RIMBP2: variants seen among roughly 807,000 people sequenced by gnomAD.
The protein encoded by RIMBP2 is RIMS-binding protein 2.
Under a neutral mutation model 118.6 loss-of-function variants are expected in RIMBP2, and 48 were observed. That is an observed-to-expected ratio of 0.40 (90% confidence interval 0.32 to 0.51). The LOEUF (loss-of-function observed/expected upper bound fraction) is 0.51, where lower values mean the gene tolerates loss of function less well. RIMBP2 is among the 20% of genes least tolerant of loss of function. RIMBP2 has a pLI of 0.41. For missense variants in RIMBP2, 1,551 were observed against 1,768.3 expected, an observed-to-expected ratio of 0.88 and a Z score of 2.20; for synonymous variants, 762 against 742.9, an observed-to-expected ratio of 1.03 and a Z score of -0.42.
At position 130,475,109 on chromosome 12, in the gene RIMBP2, G is replaced by A. The variant is rs1449746652; in HGVS notation, c.102+3803C>T. Among the ~76,000 whole-genome samples the A allele has an allele frequency of 6.6e-6, 1 of 152,172 alleles. No individual in the cohort carries two copies. The highest frequency in any genetic ancestry group is 2.4e-5 in the African/African-American group (1 of 41,428). ...TCTCTGCTCAGGTCCCAGAGACGAG[G>A]GCTGCAGCATGAGCTCATTGTCCCT... On this transcript the variant is annotated intron_variant, in intron 5 of 22. Coordinates refer to ENST00000690449, the MANE Select transcript of RIMBP2 (RefSeq NM_001393629.1). This position sits in a 1 kb window ranked among gnomAD's most constrained non-coding sequence, Gnocchi z 4.1.
chr12:130,626,509 C>T lies in RIMBP2; in HGVS notation c.-217+1813G>A, dbSNP rs368069601. 1.7e-4 allele frequency among the ~76,000 whole-genome samples: 25 copies of T among 151,150 alleles called. No individual in the cohort carries two copies. In the East Asian group the frequency reaches 4.7e-3, roughly 29 times the overall value. ...ACCATCAGCTCCTCCATCACCATGACTACCACTGGCATCACCACCATCTTC... is the reference window on the plus strand; with the variant it reads ...ACCATCAGCTCCTCCATCACCATGATTACCACTGGCATCACCACCATCTTC... On this transcript the variant is annotated intron_variant, in intron 2 of 22. Coordinates refer to ENST00000690449, the MANE Select transcript of RIMBP2 (RefSeq NM_001393629.1).
intron 2 of RIMBP2, among the ~76,000 whole-genome samples, chr12:130,577,769 C>A (rs192911270): frequency 9.9e-5 from 15 of 152,206 alleles, no homozygotes; most frequent in Admixed American, 8.5e-4. Context: ...GTGCAATAAA[C>A]GGGAAGCTGA....
At chr12:130,532,546 G>A in intron 2 of RIMBP2, among the ~76,000 whole-genome samples, 1 of 148,796 alleles carries the variant, frequency 6.7e-6, no homozygotes, top group African/African-American at 2.5e-5. Flanking sequence ...CGTGTGTGTA[G>A]CCTCTAGGAG....
intron 2 of RIMBP2, among the ~76,000 whole-genome samples, chr12:130,585,050 A>T (rs1449678949): frequency 6.6e-6 from 1 of 151,678 alleles, no homozygotes; most frequent in Non-Finnish European, 1.5e-5. Context: ...ATGCCCAGAA[A>T]TTTTTTTTTA....
At chr12:130,437,412 G>T in intron 12 of RIMBP2, 121 bp from the exon 13 acceptor site, 1 of 790,244 alleles carries the variant, frequency 1.3e-6, no homozygotes, top group South Asian at 1.7e-5. Context: ...AGCGACCTCC[G>T]ACTCCAACCA....
intron 4 of RIMBP2, among the ~76,000 whole-genome samples, chr12:130,479,933 G>C (rs974532218): frequency 3.3e-5 from 5 of 151,646 alleles, no homozygotes; most frequent in African/African-American, 9.7e-5. Context: ...CGGGTCTCAC[G>C]AGCCCAGAGT....
chr12:130,514,272 T>C (rs569306831), intron 3 of RIMBP2, among the ~76,000 whole-genome samples: 1 of 152,388 alleles, frequency 6.6e-6, no homozygotes, highest in East Asian at 1.9e-4. Context: ...GCTCATTTCC[T>C]GTGCCTTGCA....
Position 130,688,829 on chromosome 12 carries a change from G to A in RIMBP2, c.-352+27393C>T, listed in dbSNP as rs114464875. Reference sequence around the variant, plus strand: ...TCCAACTGCTCAGCTGAAACGTTTCGAACCAAGTCTAAACTCTGCAAAACG... The same window carrying A: ...TCCAACTGCTCAGCTGAAACGTTTCAAACCAAGTCTAAACTCTGCAAAACG... On this transcript the variant is annotated intron_variant, in intron 1 of 22. Coordinates refer to ENST00000690449, the MANE Select transcript of RIMBP2 (RefSeq NM_001393629.1). This position sits in a 1 kb window ranked among gnomAD's most constrained non-coding sequence, Gnocchi z 4.7. Among the ~76,000 whole-genome samples the A allele has an allele frequency of 0.011, 1,733 of 152,276 alleles. 31 individuals are homozygous for A. The highest frequency in any genetic ancestry group is 0.039 in the African/African-American group (1,630 of 41,548).
At chr12:130,551,307 C>A (rs1404759052) in intron 2 of RIMBP2, among the ~76,000 whole-genome samples, 8 of 152,154 alleles carry the variant, frequency 5.3e-5, no homozygotes, top group Admixed American at 5.2e-4. Context: ...GCTTAAATGG[C>A]AGGAAAACAA....
intron 1 of RIMBP2, among the ~76,000 whole-genome samples, chr12:130,681,938 C>A (rs1165519245): frequency 6.6e-6 from 1 of 152,146 alleles, no homozygotes; most frequent in African/African-American, 2.4e-5. Context: ...CTCAAGTGAT[C>A]CACCCGCCTC....
At position 130,475,558 on chromosome 12, in the gene RIMBP2, G is replaced by A. The variant is rs1056232116; in HGVS notation, c.102+3354C>T. Reference sequence around the variant, plus strand: ...AGAGGCAGGGAGGAGACCCGCAGACGGTGGGGAGGGGCATTTCCAGGACCT... The same window carrying A: ...AGAGGCAGGGAGGAGACCCGCAGACAGTGGGGAGGGGCATTTCCAGGACCT... On this transcript the variant is annotated intron_variant, in intron 5 of 22. Transcript: ENST00000690449. The surrounding 1 kb of genome is among the most constrained non-coding windows in gnomAD (Gnocchi z 4.1). 6.6e-6 allele frequency among the ~76,000 whole-genome samples: 1 copy of A among 152,258 alleles called. No individual in the cohort carries two copies. Among genetic ancestry groups the A allele is most frequent in the East Asian group, 1.9e-4 (1 of 5,156 alleles).
chr12:130,494,308 C>T (rs905408463), intron 4 of RIMBP2, among the ~76,000 whole-genome samples: 1 of 152,126 alleles, frequency 6.6e-6, no homozygotes. Context: ...TCTGCCCCCG[C>T]CTCCACAGTC....
rs77835256 is a variant in RIMBP2 at position 130,523,215 on chromosome 12, C to T, written c.-216-5298G>A. ...TATTTCTCTGTGTTGGGGGGGGTTT[C>T]TCTGCCTCCATCTCTCTCTGTCCCC... On this transcript the variant is annotated intron_variant, in intron 2 of 22. Coordinates refer to ENST00000690449, the MANE Select transcript of RIMBP2 (RefSeq NM_001393629.1). This position sits in a 1 kb window ranked among gnomAD's most constrained non-coding sequence, Gnocchi z 4.4. Among the ~76,000 whole-genome samples the T allele has an allele frequency of 0.012, 1,844 of 152,228 alleles. 16 individuals carry two copies. The highest frequency in any genetic ancestry group is 0.034 in the Middle Eastern group (10 of 294).
At chr12:130,550,056 G>A (rs911868591) in intron 2 of RIMBP2, among the ~76,000 whole-genome samples, 32 of 152,118 alleles carry the variant, frequency 2.1e-4, no homozygotes, top group African/African-American at 7.0e-4. Context: ...ATTCTGACAG[G>A]TGCGAGATTG....
chr12:130,529,593 C>T (rs2053165425), intron 2 of RIMBP2, among the ~76,000 whole-genome samples: 1 of 152,184 alleles, frequency 6.6e-6, no homozygotes, highest in African/African-American at 2.4e-5. Context: ...GAATTGTTCA[C>T]TATAAATGGT....
chr12:130,400,760 A>C (rs2074459648), intron 21 of RIMBP2, among the ~76,000 whole-genome samples: 1 of 152,212 alleles, frequency 6.6e-6, no homozygotes, highest in African/African-American at 2.4e-5. Context: ...AGAACATATA[A>C]AGAACATCAA....
Position 130,475,688 on chromosome 12 carries a change from C to T in RIMBP2, c.102+3224G>A, listed in dbSNP as rs1211784541. 6.6e-6 allele frequency among the ~76,000 whole-genome samples: 1 copy of T among 151,962 alleles called. No individual in the cohort carries two copies. Among genetic ancestry groups the T allele is most frequent in the Non-Finnish European group, 1.5e-5 (1 of 68,030 alleles). ...GACTCTCTTGAGAGGAATTTTACAG[C>T]TTCAGCAGGGTATTGGGGAACAAAG... On this transcript the variant is annotated intron_variant, in intron 5 of 22. Transcript: ENST00000690449. The surrounding 1 kb of genome is among the most constrained non-coding windows in gnomAD (Gnocchi z 4.1).
chr12:130,424,355 C>G lies in RIMBP2; in HGVS notation c.2916G>C (p.Glu972Asp). 2 of 1,232,448 alleles carry G rather than the reference C, an allele frequency of 1.6e-6. No individual in the cohort carries two copies. The highest frequency in any genetic ancestry group is 4.1e-5 in the South Asian group (1 of 24,316). 76.3% of individuals were successfully genotyped at this position (1,232,448 alleles called of 1,614,324 possible). The change falls in exon 16 of 23, where the codon GAG becomes GAC. Residue 972 changes from glutamate (E) to aspartate (D), a missense_variant. Glu to Asp is a conservative substitution (Grantham distance 45). Coordinates refer to ENST00000690449, the MANE Select transcript of RIMBP2 (RefSeq NM_001393629.1). The surrounding 1 kb of genome is among the most constrained non-coding windows in gnomAD (Gnocchi z 9.8). ...RTLTRQSSVE[E>D]DFGEQVGPGG... Reference sequence around the variant, plus strand: ...CAGGGCCCACCTGCTCCCCAAAGTCCTCCTCCACGCTGCTCTGCCGGGTCA... The same window carrying G: ...CAGGGCCCACCTGCTCCCCAAAGTCGTCCTCCACGCTGCTCTGCCGGGTCA...
At chr12:130,709,020 G>T (rs118147521) in intron 1 of RIMBP2, among the ~76,000 whole-genome samples, 1 of 152,240 alleles carries the variant, frequency 6.6e-6, no homozygotes, top group Non-Finnish European at 1.5e-5. Flanking sequence ...GAGCAACAGG[G>T]CCTGCCGCAG....
Sources: allele counts gnomAD v4.1 joint callset (sites outside exome capture counted in the v4.1 genomes callset), GRCh38; gene constraint gnomAD v4.1.1; non-coding constraint Gnocchi (gnomAD v3.1); transcripts MANE v1.5; gene names NCBI Gene and HGNC (gene_info 2026-07-23, HGNC 2026-07-21).